MED20: variants seen among roughly 807,000 people sequenced by gnomAD.
MED20 encodes the protein mediator of RNA polymerase II transcription subunit 20.
MED20 carries 19 observed loss-of-function variants against 19.7 expected under a neutral mutation model. The observed-to-expected ratio is 0.96, with a 90% CI of 0.67 to 1.42. The LOEUF is 1.42. MED20 is among the 40% of genes most tolerant of loss of function. The pLI is 0.00. For synonymous variants in MED20, 105 were observed against 104.8 expected (o/e 1.00, Z -0.01); for missense variants, 225 against 273.0 (o/e 0.82, Z 1.24).
chr6:41,911,049 C>A (rs1775179656), intron 2 of MED20, among the ~76,000 whole-genome samples: 1 of 149,192 alleles, frequency 6.7e-6, no homozygotes, highest in African/African-American at 2.5e-5. Flanking sequence ...GCAGAGGTTG[C>A]AGTGAGCCGA....
At chr6:41,917,000 T>C (rs935492806) in intron 1 of MED20, 61 bp from the exon 2 acceptor site, 97 of 1,587,482 alleles carry the variant, frequency 6.1e-5, no homozygotes, top group Non-Finnish European at 8.0e-5. Flanking sequence ...CACTGAGCCA[T>C]TCACTCGCCC....
intron 2 of MED20, among the ~76,000 whole-genome samples, chr6:41,911,903 T>C (rs1442821972): frequency 2.0e-5 from 3 of 152,200 alleles, no homozygotes; most frequent in Non-Finnish European, 2.9e-5. Context: ...TTCTGTCTAC[T>C]CACTGTAATT....
At chr6:41,920,794 A>G in intron 1 of MED20, 2 of 520,942 alleles carry the variant, frequency 3.8e-6, no homozygotes, top group Non-Finnish European at 6.5e-6. Flanking sequence ...AAAACAAAAA[A>G]AAAACCTTTG....
chr6:41,910,444 C>T (rs1269403901), intron 2 of MED20, among the ~76,000 whole-genome samples: 1 of 151,446 alleles, frequency 6.6e-6, no homozygotes, highest in African/African-American at 2.4e-5. Context: ...CCGGCCTGAT[C>T]AACATGGTGA....
At chr6:41,908,970 C>T (rs780414694) in intron 3 of MED20, 20 of 425,866 alleles carry the variant, frequency 4.7e-5, no homozygotes, top group Non-Finnish European at 7.9e-5. Context: ...ATCAATTGAG[C>T]CCAGGAGTCT....
chr6:41,914,804 G>A (rs1775274872), intron 2 of MED20, among the ~76,000 whole-genome samples: 1 of 151,794 alleles, frequency 6.6e-6, no homozygotes, highest in African/African-American at 2.4e-5. Context: ...ACGCTAAAAA[G>A]AACAATTGAT....
At chr6:41,917,779 G>T (rs1582064046) in intron 1 of MED20, 1 of 471,360 alleles carries the variant, frequency 2.1e-6, no homozygotes, top group Non-Finnish European at 4.4e-6. Context: ...CTCCGTTTGG[G>T]TTAACATGTT....
chr6:41,915,789 A>AACACAC (rs34924867), intron 2 of MED20, among the ~76,000 whole-genome samples: 3 of 148,592 alleles, frequency 2.0e-5, no homozygotes, highest in Admixed American at 2.0e-4. Context: ...TCCGTCTCAA[A>AACACAC]ACACACACAC....
rs759145747 is a variant in MED20, at chr6:41,920,989, C to A, written c.14+16G>T. 14 of 1,610,090 alleles carry A rather than the reference C, an allele frequency of 8.7e-6. No homozygotes were observed. The highest frequency in any genetic ancestry group is 2.3e-5 in the East Asian group (1 of 44,284). On this transcript the variant is annotated intron_variant, in intron 1 of 3. Coordinates refer to ENST00000265350, the MANE Select transcript of MED20 (RefSeq NM_004275.5). ...CAACTCCAAGCCCCGCCCCACAAAA[C>A]CCCCTGCAGTCCTACCAAGTCACTC... is the stretch of plus-strand genomic sequence containing the variant.
intron 1 of MED20, chr6:41,917,876 G>C (rs1266895514): frequency 2.3e-6 from 1 of 429,634 alleles, no homozygotes; most frequent in Non-Finnish European, 5.0e-6. Context: ...ACTGTTGTTA[G>C]AGAACATTTC....
Position 41,906,721 on chromosome 6 carries a change from T to C in MED20, c.*351A>G. On this transcript the variant is annotated 3_prime_UTR_variant, in exon 4 of 4. Coordinates refer to ENST00000265350, the MANE Select transcript of MED20 (RefSeq NM_004275.5). ...TGGCCTGGGACAAATCCTTAATAGT[T>C]GGGGATACGGACTATTTCCCCCACC... The C allele has an allele frequency of 4.1e-6, 1 of 242,340 alleles. No homozygotes were observed. Among genetic ancestry groups the C allele is most frequent in the East Asian group, 8.6e-5 (1 of 11,654 alleles). 15.0% of individuals were successfully genotyped at this position (242,340 alleles called of 1,614,324 possible). A position where few individuals can be genotyped will look rare whatever the true frequency, so the allele number is the denominator to read the frequency against.
intron 1 of MED20, among the ~76,000 whole-genome samples, chr6:41,918,988 G>A (rs1230952058): frequency 2.0e-5 from 3 of 149,830 alleles, no homozygotes; most frequent in Admixed American, 6.7e-5. Flanking sequence ...AATTAGCCAG[G>A]CATGGTGGTG....
intron 2 of MED20, among the ~76,000 whole-genome samples, chr6:41,911,573 A>G (rs529243214): frequency 6.6e-6 from 1 of 152,240 alleles, no homozygotes; most frequent in Non-Finnish European, 1.5e-5. Context: ...TGAACAAGTC[A>G]GCAGGAAAAA....
chr6:41,907,267 C>T lies in MED20; in HGVS notation c.444G>A (p.Val148=), dbSNP rs144996554. Residue 148 remains valine (V), a synonymous_variant, in exon 4 of 4, where the codon GTG becomes GTA. Coordinates refer to ENST00000265350, the MANE Select transcript of MED20 (RefSeq NM_004275.5). ...GCAGACTCCAGCAGTCACTAGCTAC[C>T]ACACAGGGGCCATACTCCACCTGGG... ...ISVEVEYGPC[V]VASDCWSLLL... is the part of the protein sequence containing the mutation. The T allele has an allele frequency of 6.8e-6, 11 of 1,612,992 alleles. No homozygotes were observed. In the African/African-American group the frequency reaches 1.5e-4, roughly 22 times the overall value.
chr6:41,914,390 T>C (rs1775264142), intron 2 of MED20, among the ~76,000 whole-genome samples: 1 of 152,106 alleles, frequency 6.6e-6, no homozygotes, highest in Admixed American at 6.6e-5. Flanking sequence ...AAATACAGCT[T>C]ACAGGGAAAG....
chr6:41,919,128 CAAAAAA>C (rs35512146), intron 1 of MED20, among the ~76,000 whole-genome samples: 14 of 44,888 alleles, frequency 3.1e-4, no homozygotes, highest in South Asian at 1.7e-3. Flanking sequence ...GACTCTGCCT[CAAAAAA>C]AAAAAAAAAA....
At chr6:41,917,383 G>C (rs530925817) in intron 1 of MED20, 5 of 176,050 alleles carry the variant, frequency 2.8e-5, no homozygotes, top group South Asian at 1.0e-4. Flanking sequence ...CTGGGCGACA[G>C]GGCGAGACGC....
intron 2 of MED20, among the ~76,000 whole-genome samples, chr6:41,912,179 G>C (rs1239296354): frequency 6.8e-6 from 1 of 148,006 alleles, no homozygotes; most frequent in Non-Finnish European, 1.5e-5. Flanking sequence ...GTCCCATGTA[G>C]CTGGGACCAC....
Position 41,907,226 on chromosome 6 carries a change from T to C in MED20, c.485A>G (p.Gln162Arg). 3.1e-6 allele frequency: 5 copies of C among 1,614,030 alleles called. No homozygotes were observed. The highest frequency in any genetic ancestry group is 4.2e-6 in the Non-Finnish European group (5 of 1,180,004). Residue 162 changes from glutamine (Q) to arginine (R), a missense_variant, in exon 4 of 4, where the codon CAG becomes CGG. By Grantham distance (43) the Gln-to-Arg change is conservative (BLOSUM62 1). Transcript: ENST00000265350. ...TGGTGTGTGGCTGCCTAGAAAACTCTGTAGGAACTCGAGCAGCAGACTCCA... is the reference window on the plus strand; with the variant it reads ...TGGTGTGTGGCTGCCTAGAAAACTCCGTAGGAACTCGAGCAGCAGACTCCA... Reference protein sequence around the residue: ...DCWSLLLEFLQSFLGSHTPGA... With the variant: ...DCWSLLLEFLRSFLGSHTPGA...
Sources: allele counts gnomAD v4.1 joint callset (sites outside exome capture counted in the v4.1 genomes callset), GRCh38; gene constraint gnomAD v4.1.1; transcripts MANE v1.5; gene names NCBI Gene and HGNC (gene_info 2026-07-23, HGNC 2026-07-21).